R3HDM1: variants seen among roughly 807,000 people sequenced by gnomAD.
R3HDM1 encodes the protein R3H domain-containing protein 1.
Under a neutral mutation model 141.1 loss-of-function variants are expected in R3HDM1, and 46 were observed. That is an observed-to-expected ratio of 0.33 (90% CI 0.26 to 0.42). The LOEUF (loss-of-function observed/expected upper bound fraction) is 0.42. Among genes scored for constraint, R3HDM1 ranks in the 10% least tolerant of loss-of-function variants. R3HDM1 has a pLI of 1.00. For synonymous variants in R3HDM1, 435 were observed against 472.9 expected (o/e 0.92, Z 1.04); for missense variants, 1,184 against 1,368.3 (o/e 0.87, Z 2.12).
At chr2:135,643,565 GT>G (rs2064038588) in intron 15 of R3HDM1, among the ~76,000 whole-genome samples, 2 of 151,802 alleles carry the variant, frequency 1.3e-5, no homozygotes, top group African/African-American at 4.8e-5. Context: ...GTCCCTTCTT[GT>G]TTCTTTTTTT....
rs866460060 is a variant in R3HDM1, at chr2:135,579,608, A to G, written c.-249-22892A>G. 6.1e-4 allele frequency among the ~76,000 whole-genome samples: 88 copies of G among 144,504 alleles called. 1 individual carries two copies. The highest frequency in any genetic ancestry group is 2.4e-3 in the African/African-American group (83 of 34,924). The allele number at this position is 144,504 out of a possible 152,430, so 94.8% of individuals were successfully genotyped here. ...ACTATGGGGTGGCGGGGGGGGGTGGAAATGGCAGATACCACCTTAACCAGG... is the reference window on the plus strand; with the variant it reads ...ACTATGGGGTGGCGGGGGGGGGTGGGAATGGCAGATACCACCTTAACCAGG... On this transcript the variant is annotated intron_variant, in intron 1 of 26. Coordinates refer to ENST00000683871, the MANE Select transcript of R3HDM1 (RefSeq NM_001378107.1).
At chr2:135,600,406 C>A (rs1410847386) in intron 1 of R3HDM1, among the ~76,000 whole-genome samples, 3 of 152,250 alleles carry the variant, frequency 2.0e-5, no homozygotes, top group South Asian at 2.1e-4. Context: ...AACTGCTGAT[C>A]TAAAGGGATT....
At chr2:135,621,782 T>C (rs1383130970) in intron 6 of R3HDM1, 174 bp downstream of exon 6, 1 of 971,234 alleles carries the variant, frequency 1.0e-6, no homozygotes, top group East Asian at 1.2e-4. Context: ...CAGTTCCATA[T>C]ATCAGTAAGA....
intron 5 of R3HDM1, among the ~76,000 whole-genome samples, chr2:135,617,479 T>G (rs2061150474): frequency 6.6e-6 from 1 of 152,156 alleles, no homozygotes; most frequent in Non-Finnish European, 1.5e-5. Flanking sequence ...ATAGGTTATT[T>G]AACGTAACCT....
chr2:135,615,111 G>C (rs965068723), intron 3 of R3HDM1, among the ~76,000 whole-genome samples: 5 of 151,790 alleles, frequency 3.3e-5, no homozygotes, highest in African/African-American at 1.2e-4. Flanking sequence ...TATAATCTAG[G>C]GTTAAAATCC....
At chr2:135,632,435 T>G (rs2062811048) in intron 9 of R3HDM1, among the ~76,000 whole-genome samples, 1 of 152,216 alleles carries the variant, frequency 6.6e-6, no homozygotes, top group Non-Finnish European at 1.5e-5. Flanking sequence ...GCCTCTGAAT[T>G]TACTCCTTTT....
At chr2:135,534,062 TATTA>T in intron 1 of R3HDM1, 1 of 976,118 alleles carries the variant, frequency 1.0e-6, no homozygotes. Context: ...ACCATGGGTG[TATTA>T]ATTTATATAG....
At chr2:135,646,370 C>T (rs895582488) in intron 16 of R3HDM1, among the ~76,000 whole-genome samples, 1 of 151,192 alleles carries the variant, frequency 6.6e-6, no homozygotes, top group Non-Finnish European at 1.5e-5. Context: ...CTCCTGACCT[C>T]GTGATCCACC....
intron 3 of R3HDM1, among the ~76,000 whole-genome samples, chr2:135,609,765 G>T (rs1204947451): frequency 6.6e-6 from 1 of 152,070 alleles, no homozygotes; most frequent in East Asian, 1.9e-4. Flanking sequence ...AATTAGCCTG[G>T]TGCGGTGGCA....
intron 21 of R3HDM1, among the ~76,000 whole-genome samples, chr2:135,687,274 A>T: frequency 6.6e-6 from 1 of 152,106 alleles, no homozygotes; most frequent in East Asian, 1.9e-4. Context: ...AGGGAGGGGG[A>T]AGTGGAGAGT....
intron 1 of R3HDM1, among the ~76,000 whole-genome samples, 196 bp from the exon 2 acceptor site, chr2:135,602,304 C>A (rs1417842282): frequency 6.6e-6 from 1 of 152,114 alleles, no homozygotes; most frequent in Non-Finnish European, 1.5e-5. Context: ...TCAATCCTCT[C>A]GGCCTCAGTG....
chr2:135,668,696 C>T (rs975451053), intron 19 of R3HDM1, among the ~76,000 whole-genome samples: 1 of 152,208 alleles, frequency 6.6e-6, no homozygotes, highest in Admixed American at 6.5e-5. Context: ...AGACTTCGCC[C>T]ATAAAACGTA....
chr2:135,532,577 A>ATC (rs1331657112), intron 1 of R3HDM1, among the ~76,000 whole-genome samples: 1 of 151,914 alleles, frequency 6.6e-6, no homozygotes, highest in East Asian at 1.9e-4. Flanking sequence ...ATATATATAT[A>ATC]TCTTCATGGT....
At chr2:135,673,969 G>A (rs2068766918) in intron 19 of R3HDM1, among the ~76,000 whole-genome samples, 1 of 152,046 alleles carries the variant, frequency 6.6e-6, no homozygotes, top group Non-Finnish European at 1.5e-5. Context: ...TGGCCATGTT[G>A]CCCAGGCTGG....
At chr2:135,655,334 G>A (rs1481460296) in intron 18 of R3HDM1, among the ~76,000 whole-genome samples, 1 of 152,098 alleles carries the variant, frequency 6.6e-6, no homozygotes, top group Non-Finnish European at 1.5e-5. Flanking sequence ...GACCATAAAT[G>A]TAAGGGTTTT....
chr2:135,636,010 C>T lies in R3HDM1; in HGVS notation c.807+12C>T. The stretch of plus-strand genomic sequence containing the variant: ...AAGATGATAACCAGGTAATCTAGAA[C>T]AATTGTAGGATTTGTATAGGTGCAA... On this transcript the variant is annotated intron_variant, in intron 10 of 26. Transcript: ENST00000683871. 1 of 1,608,468 alleles carries T rather than the reference C, an allele frequency of 6.2e-7. No homozygotes were observed. The highest frequency in any genetic ancestry group is 8.5e-7 in the Non-Finnish European group (1 of 1,178,176).
intron 1 of R3HDM1, among the ~76,000 whole-genome samples, chr2:135,542,765 G>A (rs532124939): frequency 8.5e-5 from 13 of 152,314 alleles, no homozygotes; most frequent in Admixed American, 2.6e-4. Context: ...ATGAGACGGC[G>A]TCTCACTCTG....
intron 18 of R3HDM1, among the ~76,000 whole-genome samples, chr2:135,660,455 C>G (rs977799380): frequency 1.2e-4 from 18 of 152,104 alleles, no homozygotes; most frequent in African/African-American, 4.3e-4. Context: ...TGTGGAGTTT[C>G]TTTTTGAGTA....
chr2:135,622,613 C>A, intron 6 of R3HDM1, 41 bp from the exon 7 acceptor site: 2 of 1,539,116 alleles, frequency 1.3e-6, no homozygotes, highest in South Asian at 2.5e-5. Context: ...GACTTGTTTT[C>A]AAACAACTTT....
Sources: allele counts gnomAD v4.1 joint callset (sites outside exome capture counted in the v4.1 genomes callset), GRCh38; gene constraint gnomAD v4.1.1; transcripts MANE v1.5; gene names NCBI Gene and HGNC (gene_info 2026-07-23, HGNC 2026-07-21).